Variants in BCKDHB observed in about 807,000 individuals in gnomAD.
The protein encoded by BCKDHB is branched chain keto acid dehydrogenase E1 subunit beta, also known as 2-oxoisovalerate dehydrogenase subunit beta, mitochondrial.
In BCKDHB, 41 loss-of-function variants were observed where a neutral mutation model predicts 48.5. That is an observed-to-expected ratio of 0.85 (90% confidence interval 0.66 to 1.10). The LOEUF (loss-of-function observed/expected upper bound fraction) is 1.10, where lower values mean the gene tolerates loss of function less well. BCKDHB is among the 50% of genes least tolerant of loss of function. BCKDHB has a pLI of 0.00. For missense variants in BCKDHB, 496 were observed against 494.2 expected (o/e 1.00, Z -0.03); for synonymous variants, 201 against 174.8 (o/e 1.15, Z -1.18).
intron 1 of BCKDHB, among the ~76,000 whole-genome samples, chr6:80,108,077 G>C (rs985354582): frequency 6.6e-6 from 1 of 152,106 alleles, no homozygotes. Flanking sequence ...TAAAAGGTTA[G>C]TAAAGTTTTT....
the BCKDHB span, among the ~76,000 whole-genome samples, chr6:80,352,385 T>C: frequency 6.6e-6 from 1 of 152,204 alleles, no homozygotes; most frequent in African/African-American, 2.4e-5. Context: ...CAATGCAATA[T>C]GGAGTCAATC....
At chr6:80,213,509 C>T (rs1264795277) in intron 8 of BCKDHB, among the ~76,000 whole-genome samples, 2 of 152,024 alleles carry the variant, frequency 1.3e-5, no homozygotes, top group African/African-American at 4.8e-5. Flanking sequence ...TCCTGAATTT[C>T]GTAGCCATCA....
chr6:80,452,486 T>C, the BCKDHB span, among the ~76,000 whole-genome samples: 1 of 152,076 alleles, frequency 6.6e-6, no homozygotes, highest in Non-Finnish European at 1.5e-5. Flanking sequence ...ATGATCACTA[T>C]CAAGTCCCAC....
chr6:80,355,753 A>G, the BCKDHB span: 2 of 152,156 alleles, frequency 1.3e-5, no homozygotes, highest in African/African-American at 4.8e-5. Flanking sequence ...AGGAATTTGC[A>G]CAACCACATG....
At chr6:80,229,044 C>T (rs1166548168) in intron 8 of BCKDHB, among the ~76,000 whole-genome samples, 10 of 152,138 alleles carry the variant, frequency 6.6e-5, no homozygotes, top group Non-Finnish European at 1.2e-4. Context: ...AAGGCATTCT[C>T]GTTAAAACTG....
At chr6:80,166,616 A>AAG (rs1275523808) in intron 3 of BCKDHB, among the ~76,000 whole-genome samples, 1 of 151,686 alleles carries the variant, frequency 6.6e-6, no homozygotes, top group African/African-American at 2.4e-5. Context: ...AGATTGCGCC[A>AAG]TTGCACTCTA....
At chr6:80,320,904 T>C (rs3792998) in intron 9 of BCKDHB, among the ~76,000 whole-genome samples, 4,772 of 152,240 alleles carry the variant, frequency 0.031, 93 homozygotes, top group East Asian at 0.052. Flanking sequence ...TTTTGACCAC[T>C]GAGTAAATTA....
At chr6:80,404,348 G>A in the BCKDHB span, among the ~76,000 whole-genome samples, 18 of 151,884 alleles carry the variant, frequency 1.2e-4, no homozygotes, top group Non-Finnish European at 2.2e-4. Flanking sequence ...TCTAGATTAT[G>A]TACCTTTTTG....
chr6:80,176,210 A>G (rs1773146663), intron 6 of BCKDHB, among the ~76,000 whole-genome samples: 1 of 152,202 alleles, frequency 6.6e-6, no homozygotes, highest in Admixed American at 6.5e-5. Context: ...GAGTAAGTGT[A>G]GAATAAGATT....
At chr6:80,234,843 A>ATATG (rs1776082768) in intron 8 of BCKDHB, among the ~76,000 whole-genome samples, 1 of 151,970 alleles carries the variant, frequency 6.6e-6, no homozygotes, top group Non-Finnish European at 1.5e-5. Flanking sequence ...ATATATATAT[A>ATATG]TTAGACTATT....
chr6:80,299,809 A>G (rs142284302), intron 9 of BCKDHB, among the ~76,000 whole-genome samples: 58 of 152,338 alleles, frequency 3.8e-4, no homozygotes, highest in African/African-American at 1.3e-3. Context: ...TCAATTTTAC[A>G]TAACAGATAG....
chr6:80,299,569 T>C (rs562962055), intron 9 of BCKDHB, among the ~76,000 whole-genome samples: 1 of 152,292 alleles, frequency 6.6e-6, no homozygotes, highest in South Asian at 2.1e-4. Flanking sequence ...GTAAACTTTA[T>C]AGAAAAGAAA....
chr6:80,161,077 A>G (rs1486066357), intron 3 of BCKDHB, among the ~76,000 whole-genome samples: 2 of 152,164 alleles, frequency 1.3e-5, no homozygotes, highest in African/African-American at 4.8e-5. Flanking sequence ...CATGAGGTCA[A>G]AGCCACTAAC....
Position 80,168,945 on chromosome 6 carries a change from G to C in BCKDHB, c.548G>C (p.Arg183Pro), listed in dbSNP as rs79761867. ...TTTAACTGTGGAAGCCTCACTATCC[G>C]GTCCCCTTGGGGCTGTGTTGGTCAT... ...DLFNCGSLTI[R>P]SPWGCVGHGA... Residue 183 changes from arginine to proline, a missense_variant, in exon 5 of 10, where the codon CGG (arginine) becomes CCG (proline). Coordinates refer to ENST00000320393, the MANE Select transcript of BCKDHB (RefSeq NM_183050.4). The C allele has an allele frequency of 7.4e-5, 120 of 1,613,956 alleles. No individual in the cohort carries two copies. Among genetic ancestry groups the C allele is most frequent in the Non-Finnish European group, 8.5e-6 (10 of 1,179,992 alleles).
the BCKDHB span, among the ~76,000 whole-genome samples, chr6:80,406,417 T>C: frequency 6.6e-6 from 1 of 152,242 alleles, no homozygotes; most frequent in Non-Finnish European, 1.5e-5. Context: ...TCTAGATCCT[T>C]GAGGAATCAC....
chr6:80,348,661 A>G (rs1012177958), downstream of BCKDHB, among the ~76,000 whole-genome samples: 1 of 152,196 alleles, frequency 6.6e-6, no homozygotes, highest in Non-Finnish European at 1.5e-5. Flanking sequence ...CTCCAAGTAC[A>G]CCTGAATCTA....
intron 8 of BCKDHB, among the ~76,000 whole-genome samples, chr6:80,209,691 T>G (rs1323705059): frequency 1.3e-5 from 2 of 151,932 alleles, no homozygotes; most frequent in East Asian, 3.9e-4. Context: ...CAGATCTAAT[T>G]GTGAAAGGAA....
Position 80,218,949 on chromosome 6 carries a change from G to A in BCKDHB, c.951+15737G>A, listed in dbSNP as rs566261960. Among the ~76,000 whole-genome samples, 59 of 151,912 alleles carry A rather than the reference G, an allele frequency of 3.9e-4. 1 individual carries two copies. The South Asian group carries it at 9.0e-3, about 23-fold the overall frequency. On this transcript the variant is annotated intron_variant, in intron 8 of 9. Coordinates refer to ENST00000320393, the MANE Select transcript of BCKDHB (RefSeq NM_183050.4). Reference sequence around the variant, plus strand: ...GGTAAGATTTTATTTTTCACTTGAGGTCCAGTGCTTGGTCTTTGGGACCCT... The same window carrying A: ...GGTAAGATTTTATTTTTCACTTGAGATCCAGTGCTTGGTCTTTGGGACCCT...
At chr6:80,455,843 A>C in the BCKDHB span, among the ~76,000 whole-genome samples, 1 of 152,160 alleles carries the variant, frequency 6.6e-6, no homozygotes, top group East Asian at 1.9e-4. Context: ...TCAAGAAGGC[A>C]AGCTAAAAAG....
Sources: gnomAD v4.1 joint callset for allele counts (sites outside exome capture counted in the v4.1 genomes callset) on GRCh38, gnomAD v4.1.1 for gene constraint, MANE v1.5 for transcripts, NCBI Gene and HGNC (gene_info 2026-07-23, HGNC 2026-07-21) for gene names.